Variants in COX10 observed in about 807,000 individuals in gnomAD.
COX10 encodes cytochrome c oxidase assembly factor heme A:farnesyltransferase COX10, also known as protoheme IX farnesyltransferase, mitochondrial.
A neutral mutation model predicts 37.3 loss-of-function variants in COX10; 27 were observed. The observed-to-expected ratio is 0.72, with a 90% CI of 0.53 to 1.00. COX10 has a LOEUF of 1.00. COX10 is among the 50% of genes least tolerant of loss of function. The pLI is 0.00. For missense variants in COX10, 475 were observed against 563.2 expected (o/e 0.84, Z 1.59); for synonymous variants, 222 against 229.1 (o/e 0.97, Z 0.28).
chr17:14,186,715 C>G (rs1241119189), intron 5 of COX10, among the ~76,000 whole-genome samples: 1 of 151,872 alleles, frequency 6.6e-6, no homozygotes, highest in Non-Finnish European at 1.5e-5. Flanking sequence ...TGCTTTTAAG[C>G]CCACAGGAAG....
At chr17:14,079,703 C>T (rs1915235939) in intron 3 of COX10, among the ~76,000 whole-genome samples, 1 of 152,046 alleles carries the variant, frequency 6.6e-6, no homozygotes, top group South Asian at 2.1e-4. Context: ...AATACAGAAG[C>T]ATATATTTTA....
chr17:14,078,737 C>T (rs1396072036), intron 3 of COX10, among the ~76,000 whole-genome samples: 3 of 152,126 alleles, frequency 2.0e-5, no homozygotes, highest in South Asian at 2.1e-4. Flanking sequence ...ATATTGCTTT[C>T]GATTTTCCTA....
At chr17:14,149,244 A>G (rs2142231868) in intron 4 of COX10, among the ~76,000 whole-genome samples, 1 of 152,168 alleles carries the variant, frequency 6.6e-6, no homozygotes, top group Non-Finnish European at 1.5e-5. Flanking sequence ...TAATATAAAT[A>G]CTTACTATGT....
At chr17:14,090,845 A>G (rs188510243) in intron 3 of COX10, among the ~76,000 whole-genome samples, 34 of 152,270 alleles carry the variant, frequency 2.2e-4, no homozygotes, top group African/African-American at 7.5e-4. Flanking sequence ...AATCTTTATC[A>G]GAGTGAAAGC....
chr17:14,121,689 A>G (rs1016608590), intron 4 of COX10, among the ~76,000 whole-genome samples: 2 of 152,214 alleles, frequency 1.3e-5, no homozygotes, highest in African/African-American at 4.8e-5. Flanking sequence ...AGTGGGAAAT[A>G]TAAGATATAT....
chr17:14,159,851 T>G, intron 4 of COX10, 26 bp from the exon 5 acceptor site: 1 of 1,561,144 alleles, frequency 6.4e-7, no homozygotes, highest in Non-Finnish European at 8.8e-7. Context: ...GTTAATGTTT[T>G]CTGTCTTTTT....
intron 5 of COX10, among the ~76,000 whole-genome samples, chr17:14,163,582 G>A (rs900989637): frequency 6.6e-6 from 1 of 152,132 alleles, no homozygotes; most frequent in African/African-American, 2.4e-5. Flanking sequence ...GAATGCTCAT[G>A]TCAGTTTATA....
intron 3 of COX10, among the ~76,000 whole-genome samples, chr17:14,085,127 C>T (rs986432373): frequency 1.3e-5 from 2 of 151,924 alleles, no homozygotes; most frequent in African/African-American, 2.4e-5. Context: ...GTCTCTAAGC[C>T]TTGGTTTACT....
Position 14,206,907 on chromosome 17 carries a change from C to T in COX10, c.1026C>T (p.Tyr342=), listed in dbSNP as rs773773750. The T allele has an allele frequency of 2.5e-6, 4 of 1,613,846 alleles. No individual in the cohort carries two copies. Among genetic ancestry groups the T allele is most frequent in the African/African-American group, 1.3e-5 (1 of 74,952 alleles). The change falls in exon 7 of 7, where the codon TAC becomes TAT. Residue 342 remains tyrosine, a synonymous_variant. Coordinates refer to ENST00000261643, the MANE Select transcript of COX10 (RefSeq NM_001303.4). ...GLREDYSRGG[Y]CMMSVTHPGL... ...GTGAAGACTACTCCCGGGGCGGCTA[C>T]TGCATGATGTCGGTCACCCACCCGG...
intron 4 of COX10, among the ~76,000 whole-genome samples, chr17:14,140,182 A>G (rs1343429882): frequency 1.3e-5 from 2 of 152,204 alleles, no homozygotes; most frequent in African/African-American, 4.8e-5. Flanking sequence ...ATGTAGCCAC[A>G]TCTATCTATA....
At chr17:14,201,390 T>C (rs1906537156) in intron 6 of COX10, among the ~76,000 whole-genome samples, 1 of 152,222 alleles carries the variant, frequency 6.6e-6, no homozygotes, top group African/African-American at 2.4e-5. Context: ...GGCTAGGCTG[T>C]GATTTCCAAA....
chr17:14,144,132 G>C (rs1404052206), intron 4 of COX10, among the ~76,000 whole-genome samples: 1 of 152,164 alleles, frequency 6.6e-6, no homozygotes, highest in Non-Finnish European at 1.5e-5. Context: ...CCCCCACCGT[G>C]TTGTGACCAG....
chr17:14,101,764 A>G (rs1308275092), intron 3 of COX10, among the ~76,000 whole-genome samples: 2 of 152,220 alleles, frequency 1.3e-5, no homozygotes. Flanking sequence ...AGTCAAGAGC[A>G]AGAATAAGAC....
At chr17:14,161,701 C>T (rs1195637928) in intron 5 of COX10, among the ~76,000 whole-genome samples, 1 of 152,206 alleles carries the variant, frequency 6.6e-6, no homozygotes, top group Non-Finnish European at 1.5e-5. Flanking sequence ...GACTTATCTT[C>T]TGCTGCCTTA....
chr17:14,107,619 A>G (rs1915922779), intron 4 of COX10, among the ~76,000 whole-genome samples: 2 of 149,082 alleles, frequency 1.3e-5, no homozygotes, highest in African/African-American at 2.5e-5. Context: ...CTCAGCTTTC[A>G]CCCTCTTTGT....
chr17:14,196,790 C>T (rs987562088), intron 6 of COX10, among the ~76,000 whole-genome samples: 2 of 152,182 alleles, frequency 1.3e-5, no homozygotes, highest in Non-Finnish European at 2.9e-5. Context: ...CCTGCTCCCT[C>T]CCACACTCTC....
intron 5 of COX10, among the ~76,000 whole-genome samples, chr17:14,189,268 TG>T (rs1906129962): frequency 6.6e-6 from 1 of 152,150 alleles, no homozygotes; most frequent in African/African-American, 2.4e-5. Flanking sequence ...GAGACGTCTA[TG>T]GTATTGGTTG....
rs558671683 is a variant in COX10, at chr17:14,167,790, C to T, written c.695+7843C>T. Among the ~76,000 whole-genome samples, 4 of 152,308 alleles carry T rather than the reference C, an allele frequency of 2.6e-5. No homozygotes were observed. The South Asian group carries it at 8.3e-4, about 32-fold the overall frequency. On this transcript the variant is annotated intron_variant, in intron 5 of 6. Transcript: ENST00000261643. ...GCATAGGGGAAACCACACCCGTGAT[C>T]CAACCGCCTCCCAGCAGGTCCCTCC...
intron 3 of COX10, 195 bp downstream of exon 3, chr17:14,077,251 T>G (rs1915177477): frequency 1.7e-6 from 1 of 598,160 alleles, no homozygotes; most frequent in African/African-American, 1.9e-5. Context: ...TAAATAGTAT[T>G]GCATTGTAAG....
Sources: gnomAD v4.1 joint callset for allele counts (sites outside exome capture counted in the v4.1 genomes callset) on GRCh38, gnomAD v4.1.1 for gene constraint, MANE v1.5 for transcripts, NCBI Gene and HGNC (gene_info 2026-07-23, HGNC 2026-07-21) for gene names.